ADAM22: variants seen among roughly 807,000 people sequenced by gnomAD.
The protein encoded by ADAM22 is disintegrin and metalloproteinase domain-containing protein 22.
Under a neutral mutation model 144.6 loss-of-function variants are expected in ADAM22, and 65 were observed. The ratio of observed to expected loss-of-function variants is 0.45; its 90% CI spans 0.37 to 0.55. ADAM22 has a LOEUF of 0.55. Ranked by LOEUF, ADAM22 falls within the 20% of genes least tolerant of loss-of-function variation. The probability of loss-of-function intolerance (pLI) is 0.00; values close to 1 mark genes in which losing one functional copy is unlikely to be tolerated. For synonymous variants in ADAM22, 391 were observed against 412.6 expected (o/e 0.95, Z 0.63); for missense variants, 974 against 1,184.9 (o/e 0.82, Z 2.61).
intron 3 of ADAM22, among the ~76,000 whole-genome samples, chr7:88,068,896 C>G (rs2282953): frequency 0.13 from 20,082 of 152,074 alleles, 1,982 homozygotes; most frequent in African/African-American, 0.26. Context: ...CTGCAGATCT[C>G]AGATGTTACG....
rs1296271520 is a variant in ADAM22, at chr7:88,104,010, C to CA, written c.391-4165dup. ...CACCTATTCTTTGACCTCCCAGGTC[C>CA]ATGTCTAGTACTCTATCCTGCATAT... On this transcript the variant is annotated intron_variant, in intron 4 of 31. Coordinates refer to ENST00000413139, the MANE Select transcript of ADAM22 (RefSeq NM_001324418.2). 1.2e-4 allele frequency among the ~76,000 whole-genome samples: 19 copies of CA among 152,106 alleles called. 1 individual carries two copies. Among genetic ancestry groups the CA allele is most frequent in the Admixed American group, 9.8e-4 (15 of 15,258 alleles).
At chr7:87,955,410 G>A (rs1269312835) in intron 2 of ADAM22, among the ~76,000 whole-genome samples, 1 of 152,176 alleles carries the variant, frequency 6.6e-6, no homozygotes, top group Non-Finnish European at 1.5e-5. Flanking sequence ...TGCAGACCCT[G>A]TTTGCCTGGA....
At chr7:87,934,842 G>T in intron 1 of ADAM22, 184 bp from the exon 2 acceptor site, 1 of 820,166 alleles carries the variant, frequency 1.2e-6, no homozygotes, top group Admixed American at 2.5e-5. Context: ...GTTGCTCTCG[G>T]ATGAGCTGGT....
intron 3 of ADAM22, among the ~76,000 whole-genome samples, chr7:88,063,641 A>G (rs796642311): frequency 3.3e-5 from 5 of 152,366 alleles, no homozygotes; most frequent in African/African-American, 1.2e-4. Context: ...AGTGAATGAA[A>G]GAAGACCCAC....
chr7:88,020,359 C>T (rs1022086927), intron 3 of ADAM22, among the ~76,000 whole-genome samples: 29 of 152,072 alleles, frequency 1.9e-4, no homozygotes, highest in African/African-American at 6.0e-4. Flanking sequence ...GTTTTTAAGT[C>T]GCTTTGCCTG....
intron 5 of ADAM22, 50 bp from the exon 6 acceptor site, chr7:88,114,534 C>G (rs759893771): frequency 6.4e-7 from 1 of 1,561,444 alleles, no homozygotes; most frequent in Non-Finnish European, 8.8e-7. Context: ...TGATCTTGTT[C>G]TGGGATGAGA....
chr7:88,081,665 C>A (rs1423598148), intron 4 of ADAM22, among the ~76,000 whole-genome samples: 5 of 131,442 alleles, frequency 3.8e-5, no homozygotes, highest in Admixed American at 8.5e-5. Flanking sequence ...AAATCAATGT[C>A]CAAAAATCAC....
At position 88,136,017 on chromosome 7, in the gene ADAM22, A is replaced by G; in HGVS notation, c.1206A>G (p.Ile402Met). Reference sequence around the variant, plus strand: ...GCGAGGACACGTGGTCCGGGTGCATAATGGGAGACACTGGGTGAGCCACTT... The same window carrying G: ...GCGAGGACACGTGGTCCGGGTGCATGATGGGAGACACTGGGTGAGCCACTT... Reference protein sequence around the residue: ...CKCEDTWSGCIMGDTGYYLPK... With the variant: ...CKCEDTWSGCMMGDTGYYLPK... Residue 402 changes from isoleucine to methionine, a missense_variant, in exon 14 of 32, where the codon ATA becomes ATG. Physicochemically the swap from Ile to Met is conservative, Grantham distance 10. This residue lies in a region of ADAM22 where 734 missense variants were observed against 950.6 expected (regional missense o/e 0.77). Coordinates refer to ENST00000413139, the MANE Select transcript of ADAM22 (RefSeq NM_001324418.2). 6.2e-7 allele frequency: 1 copy of G among 1,612,334 alleles called. No individual in the cohort carries two copies. Among genetic ancestry groups the G allele is most frequent in the South Asian group, 1.1e-5 (1 of 90,584 alleles).
At chr7:88,075,841 G>A (rs1294824885) in intron 4 of ADAM22, 149 bp downstream of exon 4, 7 of 678,044 alleles carry the variant, frequency 1.0e-5, no homozygotes, top group Non-Finnish European at 1.5e-5. Context: ...ACCCACTTTG[G>A]AAAAATGAAA....
At chr7:88,091,335 G>T (rs1262318687) in intron 4 of ADAM22, among the ~76,000 whole-genome samples, 1 of 152,008 alleles carries the variant, frequency 6.6e-6, no homozygotes, top group Non-Finnish European at 1.5e-5. Context: ...TTGTATTTCT[G>T]TTTTACATCA....
intron 30 of ADAM22, among the ~76,000 whole-genome samples, chr7:88,187,800 C>T (rs563417322): frequency 1.5e-4 from 23 of 152,212 alleles, no homozygotes; most frequent in African/African-American, 5.5e-4. Context: ...TTTAGTTATG[C>T]ATAGTTTGAG....
intron 3 of ADAM22, among the ~76,000 whole-genome samples, chr7:88,028,834 TGTA>T (rs1451654888): frequency 6.6e-6 from 1 of 152,096 alleles, no homozygotes; most frequent in Non-Finnish European, 1.5e-5. Context: ...CCTGCTCACT[TGTA>T]GTTTGTATTT....
chr7:88,083,522 C>G (rs1334435565), intron 4 of ADAM22, among the ~76,000 whole-genome samples: 2 of 151,074 alleles, frequency 1.3e-5, no homozygotes, highest in Non-Finnish European at 1.5e-5. Flanking sequence ...CCCCCCATTC[C>G]CATCATCCAG....
rs141070750 is a variant in ADAM22, at chr7:87,956,073, C to T, written c.246+20887C>T. The stretch of plus-strand genomic sequence containing the variant: ...GGAAAGGGAACTCCCTGACCCCTTG[C>T]GCTTCCCGAGTGAGGCAATGCCTCA... On this transcript the variant is annotated intron_variant, in intron 2 of 31. Coordinates refer to ENST00000413139, the MANE Select transcript of ADAM22 (RefSeq NM_001324418.2). 5.0e-3 allele frequency among the ~76,000 whole-genome samples: 765 copies of T among 152,302 alleles called. 10 individuals carry two copies. Among genetic ancestry groups the T allele is most frequent in the African/African-American group, 0.017 (715 of 41,568 alleles).
chr7:88,026,904 T>C (rs1180714254), intron 3 of ADAM22, among the ~76,000 whole-genome samples: 1 of 152,240 alleles, frequency 6.6e-6, no homozygotes, highest in East Asian at 1.9e-4. Context: ...GTTTCTTCTA[T>C]AGCCAGTTTT....
Position 87,934,967 on chromosome 7 carries a change from C to A in ADAM22, c.86-59C>A, listed in dbSNP as rs1219715960. The A allele has an allele frequency of 5.0e-6, 8 of 1,606,992 alleles. No homozygotes were observed. In the Admixed American group the frequency reaches 6.7e-5, roughly 13 times the overall value. On this transcript the variant is annotated intron_variant, in intron 1 of 31. Coordinates refer to ENST00000413139, the MANE Select transcript of ADAM22 (RefSeq NM_001324418.2). The stretch of plus-strand genomic sequence containing the variant: ...GACTGCAGGATGGAGGAGTGAGGGT[C>A]AGGGTCATTATTTTCGCCTTTTCTC...
chr7:88,135,807 A>G (rs959737855), intron 13 of ADAM22, among the ~76,000 whole-genome samples, 173 bp from the exon 14 acceptor site: 1 of 152,180 alleles, frequency 6.6e-6, no homozygotes, highest in Non-Finnish European at 1.5e-5. Context: ...GTCAAAGTAT[A>G]TTTTTGTTGC....
At chr7:87,941,966 A>G (rs139203107) in intron 2 of ADAM22, among the ~76,000 whole-genome samples, 2 of 152,322 alleles carry the variant, frequency 1.3e-5, no homozygotes, top group African/African-American at 4.8e-5. Context: ...AAGAACTTGG[A>G]GAGAGGCCTG....
Position 88,161,598 on chromosome 7 carries a change from T to G in ADAM22, c.1908-1414T>G, listed in dbSNP as rs1841657574. On this transcript the variant is annotated intron_variant, in intron 22 of 31. Transcript: ENST00000413139. ...ACAAAGGTCTAATATCCAGCATCTATGAGGAACTTAAATTTACAAGAAAAA... is the reference window on the plus strand; with the variant it reads ...ACAAAGGTCTAATATCCAGCATCTAGGAGGAACTTAAATTTACAAGAAAAA... Among the ~76,000 whole-genome samples, 5 of 152,068 alleles carry G rather than the reference T, an allele frequency of 3.3e-5. No individual in the cohort carries two copies. In the South Asian group the frequency reaches 1.0e-3, roughly 32 times the overall value.
Sources: allele counts gnomAD v4.1 joint callset (sites outside exome capture counted in the v4.1 genomes callset), GRCh38; gene constraint gnomAD v4.1.1; regional missense constraint gnomAD v4.1.1; transcripts MANE v1.5; gene names NCBI Gene and HGNC (gene_info 2026-07-23, HGNC 2026-07-21).